PRAMEF11: variants seen among roughly 807,000 people sequenced by gnomAD.
The protein encoded by PRAMEF11 is PRAME family member 11.
In PRAMEF11, 17 loss-of-function variants were observed where a neutral mutation model predicts 33.6. That is an observed-to-expected ratio of 0.51 (90% CI 0.35 to 0.76). PRAMEF11 has a LOEUF of 0.76. Ranked by LOEUF, PRAMEF11 falls within the 30% of genes least tolerant of loss-of-function variation. PRAMEF11 has a pLI of 0.01. For synonymous variants in PRAMEF11, 205 were observed against 227.3 expected, an observed-to-expected ratio of 0.90 and a Z score of 0.88; for missense variants, 568 against 567.0, an observed-to-expected ratio of 1.00 and a Z score of -0.02.
At position 12,827,417 on chromosome 1, in the gene PRAMEF11, A is replaced by C; in HGVS notation, c.707T>G (p.Leu236Arg). ...CATGTGGGAGAGAACGAGCTTCTGAAGATTCCTCAAGTGGCCCAGGTATGG... is the reference window on the plus strand; with the variant it reads ...CATGTGGGAGAGAACGAGCTTCTGACGATTCCTCAAGTGGCCCAGGTATGG... Reference protein sequence around the residue: ...FTPYLGHLRNLQKLVLSHMDV... With the variant: ...FTPYLGHLRNRQKLVLSHMDV... Residue 236 changes from leucine (L) to arginine (R), a missense_variant, in exon 3 of 4, where the codon CTT (leucine) becomes CGT (arginine). Transcript: ENST00000619922. The C allele has an allele frequency of 6.2e-7, 1 of 1,607,158 alleles. No individual in the cohort carries two copies. Among genetic ancestry groups the C allele is most frequent in the South Asian group, 1.1e-5 (1 of 90,656 alleles).
intron 1 of PRAMEF11, among the ~76,000 whole-genome samples, chr1:12,829,699 C>T (rs74569879): frequency 4.6e-5 from 7 of 151,442 alleles, no homozygotes; most frequent in Admixed American, 1.3e-4. Context: ...TGTGAGCCTC[C>T]GCCCCAGCCT....
At chr1:12,828,852 C>T (rs1174925668) in intron 1 of PRAMEF11, 47 bp from the exon 2 acceptor site, 66 of 1,602,750 alleles carry the variant, frequency 4.1e-5, no homozygotes, top group Non-Finnish European at 5.5e-5. Context: ...TCAGGCCAAG[C>T]CCATGCAATC....
At chr1:12,828,958 A>T (rs1639947488) in intron 1 of PRAMEF11, among the ~76,000 whole-genome samples, 153 bp from the exon 2 acceptor site, 1 of 151,918 alleles carries the variant, frequency 6.6e-6, no homozygotes, top group Non-Finnish European at 1.5e-5. Flanking sequence ...CCATTAAGCC[A>T]GCATTCTGCC....
Position 12,825,359 on chromosome 1 carries a change from A to C in PRAMEF11, c.1020T>G (p.Leu340=). 6.4e-7 allele frequency: 1 copy of C among 1,557,610 alleles called. No individual in the cohort carries two copies. The highest frequency in any genetic ancestry group is 8.7e-7 in the Non-Finnish European group (1 of 1,143,820). Residue 340 remains leucine (L), a synonymous_variant, in exon 4 of 4, where the codon CTT becomes CTG. Transcript: ENST00000619922. ...LSGIRLTNYS[L]VPLQILLEKV... is the part of the protein sequence containing the mutation. The stretch of plus-strand genomic sequence containing the variant: ...TTTCTAGGAGAATTTGGAGAGGCAC[A>C]AGACTGTAATTGGTCAGTCTGATGC...
chr1:12,825,847 G>A (rs1008329046), intron 3 of PRAMEF11, among the ~76,000 whole-genome samples: 3 of 150,626 alleles, frequency 2.0e-5, no homozygotes, highest in African/African-American at 7.3e-5. Flanking sequence ...GGTGGCGGGA[G>A]CCTGCAATTC....
chr1:12,829,336 C>G (rs1168004551), intron 1 of PRAMEF11, among the ~76,000 whole-genome samples: 2 of 146,782 alleles, frequency 1.4e-5, no homozygotes, highest in Non-Finnish European at 3.0e-5. Context: ...CCTCCTCTCT[C>G]TCCCTTCTTT....
intron 3 of PRAMEF11, among the ~76,000 whole-genome samples, chr1:12,825,924 A>C (rs1407357883): frequency 6.7e-6 from 1 of 150,172 alleles, no homozygotes; most frequent in Non-Finnish European, 1.5e-5. Context: ...CAGTGAGCAG[A>C]GATCATGCCA....
Position 12,828,559 on chromosome 1 carries a change from C to T in PRAMEF11, c.231G>A (p.Leu77=). 3 of 1,606,306 alleles carry T rather than the reference C, an allele frequency of 1.9e-6. No individual in the cohort carries two copies. The highest frequency in any genetic ancestry group is 3.4e-5 in the Admixed American group (2 of 59,320). Residue 77 remains leucine, a synonymous_variant, in exon 2 of 4, where the codon CTG becomes CTA. Transcript: ENST00000619922. ...PLRPLIKMPC[L]EAFQAVLDGL... ...CATCGAGCACAGCTTGGAAGGCCTCCAGACAAGGCATCTTTATCAGAGGCC... is the reference window on the plus strand; with the variant it reads ...CATCGAGCACAGCTTGGAAGGCCTCTAGACAAGGCATCTTTATCAGAGGCC...
chr1:12,830,687 TA>T lies in PRAMEF11; in HGVS notation c.-17+668del, dbSNP rs796881601. On this transcript the variant is annotated intron_variant, in intron 1 of 3. Coordinates refer to ENST00000619922, the MANE Select transcript of PRAMEF11 (RefSeq NM_001146344.3). ...ATGCATGTCACCATGCTCGGCTAAT[TA>T]AAAAAAAAAAAAGTAGAGGCCAAGC... 9.2e-4 allele frequency among the ~76,000 whole-genome samples: 129 copies of T among 140,554 alleles called. 2 individuals are homozygous for T. The highest frequency in any genetic ancestry group is 9.3e-4 in the Admixed American group (13 of 13,956). The allele number at this position is 140,554 out of a possible 152,430, so 92.2% of individuals were successfully genotyped here. A position where few individuals can be genotyped will look rare whatever the true frequency, so the allele number is the denominator to read the frequency against.
In PRAMEF11 at chr1:12,830,462, G is replaced by A. The variant is rs1196400363; in HGVS notation, c.-17+894C>T. Among the ~76,000 whole-genome samples the A allele has an allele frequency of 2.6e-5, 4 of 151,238 alleles. No individual in the cohort carries two copies. In the East Asian group the frequency reaches 7.9e-4, roughly 30 times the overall value. On this transcript the variant is annotated intron_variant, in intron 1 of 3. Transcript: ENST00000619922. ...ACCCCCCACAGCCATGTCTCCATTT[G>A]GGTGGAAGAGGATGTGATTGGTTTA...
Position 12,830,985 on chromosome 1 carries a change from T to C in PRAMEF11, c.-17+371A>G, listed in dbSNP as rs567104640. Among the ~76,000 whole-genome samples, 6 of 99,908 alleles carry C rather than the reference T, an allele frequency of 6.0e-5. 1 individual carries two copies. The South Asian group carries it at 2.7e-3, about 44-fold the overall frequency. 65.5% of individuals were successfully genotyped at this position (99,908 alleles called of 152,430 possible). A position where few individuals can be genotyped will look rare whatever the true frequency, so the allele number is the denominator to read the frequency against. ...TCCAGTCTGGGCAACACAGTGAGAC[T>C]CCATCCCCACCCTCAAAAAAAAAAA... On this transcript the variant is annotated intron_variant, in intron 1 of 3. Transcript: ENST00000619922.
At position 12,824,998 on chromosome 1, in the gene PRAMEF11, G is replaced by A; in HGVS notation, c.1381C>T (p.Pro461Ser). The change falls in exon 4 of 4, where the codon CCT (proline) becomes TCT (serine). Residue 461 changes from proline (P) to serine (S), a missense_variant. By Grantham distance (74) the Pro-to-Ser change is moderately conservative (BLOSUM62 -1). Around this residue, in one of 3 missense-constraint regions of PRAMEF11, gnomAD observed 174 missense variants for 127.2 expected, o/e 1.37. Coordinates refer to ENST00000619922, the MANE Select transcript of PRAMEF11 (RefSeq NM_001146344.3). Reference sequence around the variant, plus strand: ...TAAAATGACCTGTCGCCATGGTCAGGGCAGTTGTCAGTACAGAACAAGATC... The same window carrying A: ...TAAAATGACCTGTCGCCATGGTCAGAGCAGTTGTCAGTACAGAACAAGATC... ...KRILFCTDNC[P>S]DHGDRSFYDL... 1.2e-6 allele frequency: 2 copies of A among 1,609,756 alleles called. No individual in the cohort carries two copies. The highest frequency in any genetic ancestry group is 1.1e-5 in the South Asian group (1 of 90,452).
chr1:12,830,123 A>G (rs1224507754), intron 1 of PRAMEF11, among the ~76,000 whole-genome samples: 1 of 151,300 alleles, frequency 6.6e-6, no homozygotes, highest in Non-Finnish European at 1.5e-5. Flanking sequence ...CTGATATTAG[A>G]CAGAAAGAAA....
intron 1 of PRAMEF11, among the ~76,000 whole-genome samples, chr1:12,829,672 C>A (rs1736821): frequency 0.23 from 35,057 of 150,652 alleles, 5,524 homozygotes; most frequent in Middle Eastern, 0.36. Flanking sequence ...GGCCTCCCAA[C>A]ATAGTGGGAT....
Position 12,827,490 on chromosome 1 carries a change from C to G in PRAMEF11, c.634G>C (p.Val212Leu), listed in dbSNP as rs763082490. 14 of 1,611,270 alleles carry G rather than the reference C, an allele frequency of 8.7e-6. No homozygotes were observed. In the East Asian group the frequency reaches 2.7e-4, roughly 31 times the overall value. ...KMVNLDCIQE[V>L]EVNCKWILPI... ...AGTATCCACTTGCAATTCACTTCCACCTCCTGGATACAGTCTAGGTTCACC... is the reference window on the plus strand; with the variant it reads ...AGTATCCACTTGCAATTCACTTCCAGCTCCTGGATACAGTCTAGGTTCACC... Residue 212 changes from valine to leucine, a missense_variant, in exon 3 of 4, where the codon GTG becomes CTG. Val to Leu is a conservative substitution (Grantham distance 32). This residue lies in a region of PRAMEF11 where 342 missense variants were observed against 312.0 expected (regional missense o/e 1.10). Transcript: ENST00000619922.
chr1:12,825,049 C>T lies in PRAMEF11; in HGVS notation c.1330G>A (p.Val444Met). ...AQIRAELMKK[V>M]RHLRHPKRIL... Reference sequence around the variant, plus strand: ...CTCTTGGGGTGCCTTAAGTGCCTCACTTTCTTCATCAGCTCAGCCCTAATT... The same window carrying T: ...CTCTTGGGGTGCCTTAAGTGCCTCATTTTCTTCATCAGCTCAGCCCTAATT... The change falls in exon 4 of 4, where the codon GTG becomes ATG. Residue 444 changes from valine (V) to methionine (M), a missense_variant. Coordinates refer to ENST00000619922, the MANE Select transcript of PRAMEF11 (RefSeq NM_001146344.3). The T allele has an allele frequency of 1.2e-6, 2 of 1,609,816 alleles. No individual in the cohort carries two copies. Among genetic ancestry groups the T allele is most frequent in the Non-Finnish European group, 1.7e-6 (2 of 1,177,766 alleles).
At chr1:12,831,158 C>A (rs61777016) in intron 1 of PRAMEF11, among the ~76,000 whole-genome samples, 198 bp downstream of exon 1, 1,956 of 149,616 alleles carry the variant, frequency 0.013, 82 homozygotes, top group African/African-American at 0.045. Context: ...GAAATGACAT[C>A]AACCAAAGCA....
In PRAMEF11 at chr1:12,825,753, T is replaced by A. The variant is rs1639850829; in HGVS notation, c.876-250A>T. On this transcript the variant is annotated intron_variant, in intron 3 of 3. Transcript: ENST00000619922. Reference sequence around the variant, plus strand: ...CTTTGGGAGGCTGAGACTGGTGGATTCCTTGAGATCAGGAGTTTGAGACCA... The same window carrying A: ...CTTTGGGAGGCTGAGACTGGTGGATACCTTGAGATCAGGAGTTTGAGACCA... 2.0e-5 allele frequency among the ~76,000 whole-genome samples: 3 copies of A among 149,360 alleles called. 1 individual carries two copies. The highest frequency in any genetic ancestry group is 4.5e-5 in the Non-Finnish European group (3 of 67,150).
Position 12,824,746 on chromosome 1 carries a change from C to G in PRAMEF11, c.*196G>C, listed in dbSNP as rs1557608095. The G allele has an allele frequency of 6.9e-6, 6 of 867,940 alleles. No homozygotes were observed. Among genetic ancestry groups the G allele is most frequent in the Non-Finnish European group, 1.0e-5 (6 of 576,526 alleles). 53.8% of individuals were successfully genotyped at this position (867,940 alleles called of 1,614,324 possible). Reference sequence around the variant, plus strand: ...TTCGACTCTACAGGATACAGGTTCCCAAAGTCCCATTGAATCCATGGCAAC... The same window carrying G: ...TTCGACTCTACAGGATACAGGTTCCGAAAGTCCCATTGAATCCATGGCAAC... On this transcript the variant is annotated 3_prime_UTR_variant, in exon 4 of 4. Transcript: ENST00000619922.
Sources: gnomAD v4.1 joint callset for allele counts (sites outside exome capture counted in the v4.1 genomes callset) on GRCh38, gnomAD v4.1.1 for gene constraint, gnomAD v4.1.1 regional missense constraint, MANE v1.5 for transcripts, NCBI Gene and HGNC (gene_info 2026-07-23, HGNC 2026-07-21) for gene names.